The following SYT9 variants were observed in gnomAD, a reference collection of about 807,000 sequenced individuals.
SYT9 encodes synaptotagmin 9.
A neutral mutation model predicts 48.4 loss-of-function variants in SYT9; 22 were observed. That is an observed-to-expected ratio of 0.45 (90% confidence interval 0.32 to 0.65). The LOEUF is 0.65. Ranked by LOEUF, SYT9 falls within the 30% of genes least tolerant of loss-of-function variation. SYT9 has a pLI of 0.03. For missense variants in SYT9, 577 were observed against 622.0 expected (o/e 0.93, Z 0.77); for synonymous variants, 265 against 245.0 (o/e 1.08, Z -0.76).
intron 6 of SYT9, among the ~76,000 whole-genome samples, chr11:7,455,438 A>G (rs1311389609): frequency 6.7e-6 from 1 of 150,340 alleles, no homozygotes; most frequent in African/African-American, 2.5e-5. Context: ...GGCTCAAGCG[A>G]TTCTCCTACC....
chr11:7,279,524 C>T (rs1424624207), intron 1 of SYT9, among the ~76,000 whole-genome samples: 1 of 152,016 alleles, frequency 6.6e-6, no homozygotes, highest in African/African-American at 2.4e-5. Context: ...GCAGAGTGTC[C>T]CCTAATACTG....
In SYT9 at chr11:7,253,090, C is replaced by G. The variant is rs183976663; in HGVS notation, c.145+759C>G. Among the ~76,000 whole-genome samples, 95 of 152,326 alleles carry G rather than the reference C, an allele frequency of 6.2e-4. 1 individual carries two copies. Among genetic ancestry groups the G allele is most frequent in the South Asian group, 2.9e-3 (14 of 4,824 alleles). On this transcript the variant is annotated intron_variant, in intron 1 of 6. Coordinates refer to ENST00000318881, the MANE Select transcript of SYT9 (RefSeq NM_175733.4). ...AAGTTCATTTATTTTGGCATTTGAC[C>G]AATTAAGGTTGGAGGAGGGAGTTTT...
Position 7,467,990 on chromosome 11 carries a change from G to C in SYT9, c.*1190G>C, listed in dbSNP as rs1848361691. 3.1e-6 allele frequency: 1 copy of C among 320,072 alleles called. No homozygotes were observed. The highest frequency in any genetic ancestry group is 2.1e-5 in the African/African-American group (1 of 46,734). The allele number at this position is 320,072 out of a possible 1,614,324, so 19.8% of individuals were successfully genotyped here. The stretch of plus-strand genomic sequence containing the variant: ...GCCAGCTATGCGCCTCATCCTCATT[G>C]CTTCTGCCTCCACGTAAATGAAACC... On this transcript the variant is annotated 3_prime_UTR_variant, in exon 7 of 7. Coordinates refer to ENST00000318881, the MANE Select transcript of SYT9 (RefSeq NM_175733.4).
intron 1 of SYT9, among the ~76,000 whole-genome samples, chr11:7,241,207 A>AACAC (rs141196550): frequency 0.059 from 8,517 of 144,086 alleles, 250 homozygotes; most frequent in Non-Finnish European, 0.073. Flanking sequence ...TGTTATTTAA[A>AACAC]ACACACACAC....
intron 3 of SYT9, among the ~76,000 whole-genome samples, chr11:7,365,997 G>A (rs868623408): frequency 1.3e-5 from 2 of 152,140 alleles, no homozygotes; most frequent in Non-Finnish European, 1.5e-5. Flanking sequence ...TGCCCTTGAA[G>A]AAAGTCCTAC....
intron 1 of SYT9, among the ~76,000 whole-genome samples, chr11:7,300,909 A>C (rs900434408): frequency 6.6e-6 from 1 of 152,064 alleles, no homozygotes; most frequent in Non-Finnish European, 1.5e-5. Flanking sequence ...TTTGAGGTAT[A>C]GTTCCTAGCC....
intron 6 of SYT9, among the ~76,000 whole-genome samples, chr11:7,421,210 G>A (rs1325275733): frequency 1.3e-5 from 2 of 152,178 alleles, no homozygotes; most frequent in Non-Finnish European, 2.9e-5. Flanking sequence ...TGATCAACAA[G>A]AGACCTAGAC....
chr11:7,397,252 G>A (rs779829059), intron 3 of SYT9, among the ~76,000 whole-genome samples: 2 of 152,012 alleles, frequency 1.3e-5, no homozygotes, highest in Non-Finnish European at 2.9e-5. Flanking sequence ...AGCACCATTT[G>A]TTAAAAAGAG....
chr11:7,407,662 G>C (rs2134084859), intron 3 of SYT9, among the ~76,000 whole-genome samples: 1 of 51,994 alleles, frequency 1.9e-5, no homozygotes, highest in East Asian at 3.0e-4. Flanking sequence ...TTACAGGCGT[G>C]AGCCACCGCG....
intron 3 of SYT9, among the ~76,000 whole-genome samples, chr11:7,410,399 T>C (rs1328088696): frequency 6.6e-6 from 1 of 152,200 alleles, no homozygotes; most frequent in Non-Finnish European, 1.5e-5. Context: ...TGTTGTTGAT[T>C]TTCTGTCTAG....
At position 7,252,121 on chromosome 11, in the gene SYT9, GC is replaced by G; in HGVS notation, c.-65del. The G allele has an allele frequency of 7.5e-7, 1 of 1,341,166 alleles. No homozygotes were observed. The highest frequency in any genetic ancestry group is 1.5e-5 in the African/African-American group (1 of 65,152). The allele number at this position is 1,341,166 out of a possible 1,614,324, so 83.1% of individuals were successfully genotyped here. A position where few individuals can be genotyped will look rare whatever the true frequency, so the allele number is the denominator to read the frequency against. ...GACGGCCCGGAGGCGGCGGCTCTGA[GC>G]TGGCAGGCGGAGGGCTGTCTCCTGC... On this transcript the variant is annotated 5_prime_UTR_variant, in exon 1 of 7. Coordinates refer to ENST00000318881, the MANE Select transcript of SYT9 (RefSeq NM_175733.4). The surrounding 1 kb of genome is among the most constrained non-coding windows in gnomAD (Gnocchi z 6.3).
At chr11:7,258,731 G>A (rs1180318794) in intron 1 of SYT9, among the ~76,000 whole-genome samples, 1 of 152,078 alleles carries the variant, frequency 6.6e-6, no homozygotes, top group Admixed American at 6.5e-5. Flanking sequence ...ATTGTGCCCA[G>A]AGTAAATGCT....
chr11:7,351,462 C>T (rs1408575296), intron 3 of SYT9, among the ~76,000 whole-genome samples: 1 of 152,154 alleles, frequency 6.6e-6, no homozygotes, highest in East Asian at 1.9e-4. Flanking sequence ...TTACGGACTC[C>T]TTGTGTGGGA....
At chr11:7,332,296 C>G (rs10839767) in intron 3 of SYT9, among the ~76,000 whole-genome samples, 64,516 of 152,042 alleles carry the variant, frequency 0.42, 14,516 homozygotes, top group East Asian at 0.91. Flanking sequence ...CTGTAGGACT[C>G]CTCTGGGAAA....
At chr11:7,435,870 A>T (rs955803815) in intron 6 of SYT9, 3 of 152,288 alleles carry the variant, frequency 2.0e-5, no homozygotes, top group Non-Finnish European at 4.4e-5. Flanking sequence ...AATCCCAGCT[A>T]CTTGGGAAGC....
chr11:7,247,315 C>A (rs566325244), upstream of SYT9, among the ~76,000 whole-genome samples: 1 of 152,022 alleles, frequency 6.6e-6, no homozygotes, highest in African/African-American at 2.4e-5. Context: ...TGCATCCTCA[C>A]AGCTTAGCTC....
Position 7,265,533 on chromosome 11 carries a change from G to A in SYT9, c.145+13202G>A, listed in dbSNP as rs112865606. 5.9e-3 allele frequency among the ~76,000 whole-genome samples: 900 copies of A among 152,170 alleles called. 12 individuals carry two copies. Among genetic ancestry groups the A allele is most frequent in the African/African-American group, 0.021 (860 of 41,502 alleles). On this transcript the variant is annotated intron_variant, in intron 1 of 6. Coordinates refer to ENST00000318881, the MANE Select transcript of SYT9 (RefSeq NM_175733.4). ...AGGGTTGCAAATGACATGCACTTAC[G>A]GCCTTCGTGGTTTACAATTACTTTT...
At chr11:7,400,126 T>G (rs188396505) in intron 3 of SYT9, among the ~76,000 whole-genome samples, 52 of 152,320 alleles carry the variant, frequency 3.4e-4, no homozygotes, top group African/African-American at 1.2e-3. Flanking sequence ...AAACACTTTC[T>G]TGCACAGCAT....
chr11:7,344,947 C>T (rs961997152), intron 3 of SYT9, among the ~76,000 whole-genome samples: 13 of 151,724 alleles, frequency 8.6e-5, no homozygotes, highest in Admixed American at 5.3e-4. Context: ...CACACACACA[C>T]ACACACACAC....
Sources: gnomAD v4.1 joint callset for allele counts (sites outside exome capture counted in the v4.1 genomes callset) on GRCh38, gnomAD v4.1.1 for gene constraint, Gnocchi (gnomAD v3.1) non-coding constraint, MANE v1.5 for transcripts, NCBI Gene and HGNC (gene_info 2026-07-23, HGNC 2026-07-21) for gene names.